Variants in SNTG2 observed in about 807,000 individuals in gnomAD.
The protein encoded by SNTG2 is gamma-2-syntrophin.
A neutral mutation model predicts 70.9 loss-of-function variants in SNTG2; 74 were observed. That is an observed-to-expected ratio of 1.04 (90% CI 0.86 to 1.27). SNTG2 has a LOEUF of 1.27. SNTG2 is among the 50% of genes most tolerant of loss of function. SNTG2 has a pLI of 0.00. For missense variants in SNTG2, 717 were observed against 690.7 expected (o/e 1.04, Z -0.43); for synonymous variants, 278 against 273.8 (o/e 1.02, Z -0.15).
intron 9 of SNTG2, among the ~76,000 whole-genome samples, chr2:1,229,504 C>G (rs1676039146): frequency 6.6e-6 from 1 of 152,236 alleles, no homozygotes; most frequent in African/African-American, 2.4e-5. Flanking sequence ...TTCTCCAAGT[C>G]CCCACCAGAC....
chr2:1,014,719 G>T, intron 1 of SNTG2, among the ~76,000 whole-genome samples: 1 of 150,028 alleles, frequency 6.7e-6, no homozygotes, highest in Non-Finnish European at 1.5e-5. Context: ...AGGGTGGTCT[G>T]TAGGGGAATT....
intron 1 of SNTG2, among the ~76,000 whole-genome samples, chr2:1,049,930 T>C (rs957066337): frequency 5.3e-5 from 8 of 152,250 alleles, no homozygotes; most frequent in African/African-American, 1.9e-4. Flanking sequence ...ATCTGCCATC[T>C]GTATGAATCA....
At chr2:1,160,255 G>C (rs780558998) in intron 6 of SNTG2, 2 of 151,994 alleles carry the variant, frequency 1.3e-5, no homozygotes, top group African/African-American at 2.4e-5. Flanking sequence ...ACGAGAAAAC[G>C]TTCTTACAAA....
intron 1 of SNTG2, among the ~76,000 whole-genome samples, chr2:1,030,020 A>G (rs545068870): frequency 1.4e-4 from 22 of 152,002 alleles, no homozygotes; most frequent in African/African-American, 4.8e-4. Context: ...CTTTCCCTGC[A>G]TGCTGCCTCC....
intron 16 of SNTG2, among the ~76,000 whole-genome samples, chr2:1,354,658 A>ACCTGAAGGG (rs1660747747): frequency 3.2e-5 from 1 of 31,126 alleles, no homozygotes; most frequent in Non-Finnish European, 6.3e-5. Flanking sequence ...GTACGTTTCC[A>ACCTGAAGGG]TGGGGGAAGT....
At chr2:1,291,612 C>A (rs1272433081) in intron 14 of SNTG2, among the ~76,000 whole-genome samples, 2 of 152,176 alleles carry the variant, frequency 1.3e-5, no homozygotes, top group Admixed American at 1.3e-4. Flanking sequence ...TGGCCTTTCT[C>A]CATTGAATGG....
At chr2:1,166,438 C>T (rs1404653465) in intron 7 of SNTG2, among the ~76,000 whole-genome samples, 3 of 152,168 alleles carry the variant, frequency 2.0e-5, no homozygotes, top group African/African-American at 7.2e-5. Flanking sequence ...CAGCTTCCCT[C>T]CCTGGGGGTT....
intron 2 of SNTG2, among the ~76,000 whole-genome samples, chr2:1,091,432 C>T (rs1665019615): frequency 6.6e-6 from 1 of 152,194 alleles, no homozygotes; most frequent in Non-Finnish European, 1.5e-5. Flanking sequence ...CTCCTGTACC[C>T]CATCAGGGAT....
chr2:995,797 C>T lies in SNTG2; in HGVS notation c.72+44729C>T, dbSNP rs538605911. 4.6e-5 allele frequency among the ~76,000 whole-genome samples: 7 copies of T among 152,108 alleles called. No individual in the cohort carries two copies. The South Asian group carries it at 1.0e-3, about 23-fold the overall frequency. Reference sequence around the variant, plus strand: ...TAATTTTCCCAAAGCTCTTTCACACCGCACTTTCTTTGACTTATTACTTCC... The same window carrying T: ...TAATTTTCCCAAAGCTCTTTCACACTGCACTTTCTTTGACTTATTACTTCC... On this transcript the variant is annotated intron_variant, in intron 1 of 16. Transcript: ENST00000308624.
intron 2 of SNTG2, among the ~76,000 whole-genome samples, chr2:1,086,416 T>G (rs1393961004): frequency 6.6e-6 from 1 of 152,118 alleles, no homozygotes; most frequent in Non-Finnish European, 1.5e-5. Flanking sequence ...AAAGGGACAG[T>G]CAGAACATTC....
At chr2:954,146 G>A (rs1660068370) in intron 1 of SNTG2, among the ~76,000 whole-genome samples, 1 of 152,192 alleles carries the variant, frequency 6.6e-6, no homozygotes, top group African/African-American at 2.4e-5. Context: ...GCTCTGCTGC[G>A]CACCCCTAGC....
chr2:1,253,884 T>A (rs1259865473), intron 12 of SNTG2, among the ~76,000 whole-genome samples: 1 of 151,978 alleles, frequency 6.6e-6, no homozygotes, highest in Non-Finnish European at 1.5e-5. Context: ...GTCACACTTT[T>A]AAACAATCAG....
intron 9 of SNTG2, among the ~76,000 whole-genome samples, chr2:1,219,594 C>T (rs569506619): frequency 1.3e-5 from 2 of 152,152 alleles, no homozygotes; most frequent in African/African-American, 4.8e-5. Flanking sequence ...TCACAGGAGC[C>T]CTGTCCATGC....
intron 4 of SNTG2, among the ~76,000 whole-genome samples, chr2:1,122,038 C>A (rs557811671): frequency 6.6e-6 from 1 of 152,154 alleles, no homozygotes; most frequent in African/African-American, 2.4e-5. Context: ...AAAAATACAA[C>A]CTGCCAAGTT....
At chr2:991,930 G>T (rs1017263755) in intron 1 of SNTG2, among the ~76,000 whole-genome samples, 1 of 152,148 alleles carries the variant, frequency 6.6e-6, no homozygotes, top group Non-Finnish European at 1.5e-5. Context: ...GCTTGTAAGT[G>T]ATGCTGTGCT....
intron 6 of SNTG2, among the ~76,000 whole-genome samples, chr2:1,163,095 G>T (rs902782890): frequency 3.3e-5 from 5 of 152,048 alleles, no homozygotes; most frequent in Non-Finnish European, 7.4e-5. Flanking sequence ...AACTGGAAGT[G>T]GGCTTTTGAG....
intron 6 of SNTG2, among the ~76,000 whole-genome samples, chr2:1,144,396 A>G (rs2147785570): frequency 6.6e-6 from 1 of 152,312 alleles, no homozygotes; most frequent in East Asian, 1.9e-4. Context: ...TTCACCCGAC[A>G]ACAGCAGAAT....
intron 9 of SNTG2, among the ~76,000 whole-genome samples, chr2:1,222,135 G>GTCTCTCTCTGTC (rs1558553864): frequency 9.7e-6 from 1 of 103,016 alleles, no homozygotes; most frequent in Non-Finnish European, 2.1e-5. Flanking sequence ...GTCTCTCTCT[G>GTCTCTCTCTGTC]TCTCTCTCTG....
chr2:1,190,582 GTATA>G (rs1318828442), intron 8 of SNTG2, among the ~76,000 whole-genome samples: 3 of 138,600 alleles, frequency 2.2e-5, no homozygotes, highest in Non-Finnish European at 4.6e-5. Context: ...GACTGTAAAT[GTATA>G]TATATAATAC....
Sources: gnomAD v4.1 joint callset for allele counts (sites outside exome capture counted in the v4.1 genomes callset) on GRCh38, gnomAD v4.1.1 for gene constraint, MANE v1.5 for transcripts, NCBI Gene and HGNC (gene_info 2026-07-23, HGNC 2026-07-21) for gene names.